The following NREP variants were observed in gnomAD, a reference collection of about 807,000 sequenced individuals.
NREP encodes neuronal regeneration-related protein.
A neutral mutation model predicts 8.6 loss-of-function variants in NREP; 5 were observed. The ratio of observed to expected loss-of-function variants is 0.58; its 90% CI spans 0.30 to 1.22. The LOEUF is 1.22. NREP is among the 50% of genes most tolerant of loss of function. NREP has a pLI of 0.07. For missense variants in NREP, 86 were observed against 82.5 expected, an observed-to-expected ratio of 1.04 and a Z score of -0.17; for synonymous variants, 27 against 28.0, an observed-to-expected ratio of 0.96 and a Z score of 0.11.
At chr5:111,864,915 G>A (rs1034999741) in intron 2 of NREP, among the ~76,000 whole-genome samples, 1 of 152,140 alleles carries the variant, frequency 6.6e-6, no homozygotes, top group Non-Finnish European at 1.5e-5. Flanking sequence ...TAAAAGCCTA[G>A]TGTAGGCAAA....
chr5:111,742,641 C>A (rs1749754665), intron 2 of NREP, among the ~76,000 whole-genome samples: 1 of 152,048 alleles, frequency 6.6e-6, no homozygotes, highest in Admixed American at 6.6e-5. Flanking sequence ...TTCTTTTTCA[C>A]CACGACTTAA....
intron 2 of NREP, among the ~76,000 whole-genome samples, chr5:111,875,252 T>C (rs1343621515): frequency 2.6e-5 from 4 of 152,104 alleles, no homozygotes; most frequent in Admixed American, 6.6e-5. Context: ...TTTAAAATAA[T>C]ACATACTCTA....
intron 2 of NREP, among the ~76,000 whole-genome samples, chr5:111,777,011 A>T (rs201043864): frequency 1.4e-5 from 1 of 71,808 alleles, no homozygotes; most frequent in Non-Finnish European, 2.8e-5. Flanking sequence ...AGGAGGAAGG[A>T]GGTGGAGGAG....
chr5:111,779,861 A>G (rs1178740081), intron 2 of NREP, among the ~76,000 whole-genome samples: 2 of 152,224 alleles, frequency 1.3e-5, no homozygotes, highest in African/African-American at 4.8e-5. Context: ...TTAAATGGGT[A>G]CTTGAGGGCT....
intron 2 of NREP, among the ~76,000 whole-genome samples, chr5:111,747,053 T>G (rs1045325291): frequency 1.4e-4 from 21 of 152,142 alleles, no homozygotes; most frequent in Admixed American, 1.2e-3. Context: ...TTTGACATCA[T>G]GGTCCCAATG....
intron 2 of NREP, among the ~76,000 whole-genome samples, chr5:111,958,576 C>T (rs1756393394): frequency 6.6e-6 from 1 of 151,906 alleles, no homozygotes; most frequent in Admixed American, 6.6e-5. Context: ...ATTAACAACT[C>T]AGAAGCACAT....
In NREP at chr5:111,944,113, AG is replaced by A. The variant is rs371141564; in HGVS notation, c.135+31160del. Among the ~76,000 whole-genome samples the A allele has an allele frequency of 1.9e-3, 282 of 152,198 alleles. 4 individuals are homozygous for A. The highest frequency in any genetic ancestry group is 6.2e-3 in the African/African-American group (258 of 41,564). On this transcript the variant is annotated intron_variant, in intron 2 of 3. Transcript: ENST00000395634. ...AGTTTTATTTATGAAAATTTCCAAAAGTCTTCTTAGTATATTGGATGAGGGA... is the reference window on the plus strand; with the variant it reads ...AGTTTTATTTATGAAAATTTCCAAAATCTTCTTAGTATATTGGATGAGGGA...
chr5:111,882,086 A>T (rs189562984), intron 2 of NREP, among the ~76,000 whole-genome samples: 230 of 152,328 alleles, frequency 1.5e-3, no homozygotes, highest in African/African-American at 5.0e-3. Flanking sequence ...CTTTGAAAAA[A>T]ATGTAGACGA....
rs751735398 is a variant in NREP, at chr5:111,735,554, A to C, written c.4-47T>G. ...CACATTCAGATTAAAAACAGGATCCACTCTGAAACTACACGGGATAACCTT... is the reference window on the plus strand; with the variant it reads ...CACATTCAGATTAAAAACAGGATCCCCTCTGAAACTACACGGGATAACCTT... On this transcript the variant is annotated intron_variant, in intron 2 of 3. Transcript: ENST00000257435. 2.5e-5 allele frequency: 34 copies of C among 1,351,998 alleles called. 2 individuals carry two copies. Among genetic ancestry groups the C allele is most frequent in the Admixed American group, 3.4e-5 (2 of 58,988 alleles). 83.8% of individuals were successfully genotyped at this position (1,351,998 alleles called of 1,614,324 possible). A position where few individuals can be genotyped will look rare whatever the true frequency, so the allele number is the denominator to read the frequency against.
At chr5:111,776,990 T>TGAGGAGGAGGAGGAGGAGGAAGGAGGAG (rs58158043) in intron 2 of NREP, among the ~76,000 whole-genome samples, 11 of 132,616 alleles carry the variant, frequency 8.3e-5, no homozygotes, top group Middle Eastern at 3.5e-3. Context: ...AGAAAAAGGA[T>TGAGGAGGAGGAGGAGGAGGAAGGAGGAG]GAGGAGGAGG....
chr5:111,882,032 G>A (rs1224486251), intron 2 of NREP, among the ~76,000 whole-genome samples: 2 of 152,130 alleles, frequency 1.3e-5, no homozygotes, highest in Non-Finnish European at 2.9e-5. Context: ...AAACTACTCC[G>A]AGCTACAGGA....
chr5:111,862,578 G>A (rs1366761185), intron 2 of NREP, among the ~76,000 whole-genome samples: 1 of 152,074 alleles, frequency 6.6e-6, no homozygotes, highest in African/African-American at 2.4e-5. Context: ...GGGCCATGCT[G>A]TATCTTTTTA....
chr5:111,919,112 C>CA (rs1755151095), intron 2 of NREP, among the ~76,000 whole-genome samples: 1 of 121,806 alleles, frequency 8.2e-6, no homozygotes, highest in Non-Finnish European at 2.1e-5. Flanking sequence ...ATTTATGCTG[C>CA]CAAAAAACAT....
intron 2 of NREP, among the ~76,000 whole-genome samples, chr5:111,776,463 T>C (rs577610509): frequency 2.6e-5 from 4 of 152,128 alleles, no homozygotes; most frequent in Non-Finnish European, 5.9e-5. Context: ...CCCCAGCTGC[T>C]CCTAGGTGTA....
intron 2 of NREP, among the ~76,000 whole-genome samples, chr5:111,903,386 T>G (rs1372431761): frequency 6.6e-6 from 1 of 152,006 alleles, no homozygotes; most frequent in East Asian, 1.9e-4. Flanking sequence ...CACCCAGCTC[T>G]CCATGAAATT....
intron 2 of NREP, among the ~76,000 whole-genome samples, chr5:111,787,970 C>T (rs754618584): frequency 1.3e-5 from 2 of 151,984 alleles, no homozygotes; most frequent in African/African-American, 2.4e-5. Flanking sequence ...GGGTGGTGCA[C>T]ACCTGTGGCC....
At chr5:111,951,867 C>T (rs574627209) in intron 2 of NREP, among the ~76,000 whole-genome samples, 16 of 152,046 alleles carry the variant, frequency 1.1e-4, no homozygotes, top group South Asian at 1.0e-3. Flanking sequence ...CATATGTTTT[C>T]GGGTAATACT....
At chr5:111,811,746 G>GT (rs946199705) in intron 2 of NREP, among the ~76,000 whole-genome samples, 8 of 151,954 alleles carry the variant, frequency 5.3e-5, no homozygotes, top group African/African-American at 1.4e-4. Flanking sequence ...GTGGTTGCAG[G>GT]TTTTTTTTAA....
At chr5:111,806,851 G>A (rs536852777) in intron 2 of NREP, among the ~76,000 whole-genome samples, 1 of 152,216 alleles carries the variant, frequency 6.6e-6, no homozygotes, top group African/African-American at 2.4e-5. Context: ...AGAGGGGTAG[G>A]TGAGTGTACT....
Sources: gnomAD v4.1 joint callset for allele counts (sites outside exome capture counted in the v4.1 genomes callset) on GRCh38, gnomAD v4.1.1 for gene constraint, MANE v1.5 for transcripts, NCBI Gene and HGNC (gene_info 2026-07-23, HGNC 2026-07-21) for gene names.